The following TBC1D22A variants were observed in gnomAD, a reference collection of about 807,000 sequenced individuals.
The protein encoded by TBC1D22A is putative GTPase activator.
TBC1D22A carries 38 observed loss-of-function variants against 60.2 expected under a neutral mutation model. The ratio of observed to expected loss-of-function variants is 0.63; its 90% CI spans 0.49 to 0.83. The LOEUF (loss-of-function observed/expected upper bound fraction) is 0.83. TBC1D22A is among the 40% of genes least tolerant of loss of function. The pLI is 0.00. For missense variants in TBC1D22A, 628 were observed against 701.0 expected (o/e 0.90, Z 1.18); for synonymous variants, 302 against 281.7 (o/e 1.07, Z -0.72).
intron 12 of TBC1D22A, among the ~76,000 whole-genome samples, chr22:47,117,791 C>T (rs557822633): frequency 6.6e-6 from 1 of 152,254 alleles, no homozygotes; most frequent in South Asian, 2.1e-4. Context: ...AGTGAAGCAA[C>T]CATAGGAGGA....
At chr22:46,796,856 G>A (rs923449676) in intron 3 of TBC1D22A, among the ~76,000 whole-genome samples, 1 of 152,162 alleles carries the variant, frequency 6.6e-6, no homozygotes, top group African/African-American at 2.4e-5. Context: ...TGGGATGAGG[G>A]TCCCTGTGGG....
At chr22:47,167,062 A>G (rs1026497364) in intron 12 of TBC1D22A, among the ~76,000 whole-genome samples, 2 of 152,252 alleles carry the variant, frequency 1.3e-5, no homozygotes, top group Non-Finnish European at 2.9e-5. Context: ...ATGCATGTTT[A>G]TTTTGAAAAG....
chr22:46,932,566 C>T (rs989080775), intron 8 of TBC1D22A, among the ~76,000 whole-genome samples: 8 of 152,054 alleles, frequency 5.3e-5, no homozygotes, highest in Admixed American at 3.9e-4. Flanking sequence ...TCCCATGGCC[C>T]CCTCCCCGTG....
chr22:47,007,269 C>T (rs1413600807), intron 10 of TBC1D22A, among the ~76,000 whole-genome samples: 1 of 152,192 alleles, frequency 6.6e-6, no homozygotes, highest in African/African-American at 2.4e-5. Context: ...ACAGCTGGCT[C>T]GCTGTGCCTA....
At chr22:46,802,264 C>T (rs569038385) in intron 4 of TBC1D22A, among the ~76,000 whole-genome samples, 148 of 152,320 alleles carry the variant, frequency 9.7e-4, no homozygotes, top group Non-Finnish European at 1.7e-3. Flanking sequence ...CTGACATTCT[C>T]GTGTGAGGAG....
At chr22:47,064,034 C>T (rs7284563) in intron 11 of TBC1D22A, among the ~76,000 whole-genome samples, 2 of 44,274 alleles carry the variant, frequency 4.5e-5, no homozygotes, top group South Asian at 8.6e-4. Flanking sequence ...CCCCCTACTC[C>T]AGTGTGGCCT....
chr22:46,838,520 CA>C (rs2086614608), intron 4 of TBC1D22A, among the ~76,000 whole-genome samples: 3 of 151,716 alleles, frequency 2.0e-5, no homozygotes. Context: ...AAAGTCTTTC[CA>C]AAAATTGAAG....
chr22:46,807,064 G>A (rs1037720738), intron 4 of TBC1D22A, among the ~76,000 whole-genome samples: 1 of 152,356 alleles, frequency 6.6e-6, no homozygotes, highest in South Asian at 2.1e-4. Context: ...CTGCTCAACC[G>A]CAGATTCTAC....
At chr22:47,059,522 C>T (rs924799252) in intron 11 of TBC1D22A, among the ~76,000 whole-genome samples, 2 of 152,188 alleles carry the variant, frequency 1.3e-5, no homozygotes, top group Non-Finnish European at 2.9e-5. Context: ...TGTGTTTCCA[C>T]CCCCAATGTG....
At chr22:46,849,526 G>A (rs1161360027) in intron 4 of TBC1D22A, among the ~76,000 whole-genome samples, 1 of 152,096 alleles carries the variant, frequency 6.6e-6, no homozygotes, top group Non-Finnish European at 1.5e-5. Context: ...ACCTGTCCTG[G>A]GCTGGACAGG....
chr22:47,033,301 C>T (rs1213880523), intron 10 of TBC1D22A, among the ~76,000 whole-genome samples: 1 of 152,206 alleles, frequency 6.6e-6, no homozygotes, highest in African/African-American at 2.4e-5. Context: ...AGAAATGATT[C>T]TGTAAGTTCT....
intron 8 of TBC1D22A, 148 bp from the exon 9 acceptor site, chr22:46,974,142 A>G: frequency 1.6e-6 from 1 of 632,998 alleles, no homozygotes. Flanking sequence ...ATGAGGTGGA[A>G]GGCTGCATGA....
chr22:47,169,365 C>T (rs1309957728), intron 12 of TBC1D22A, among the ~76,000 whole-genome samples: 1 of 152,168 alleles, frequency 6.6e-6, no homozygotes, highest in Non-Finnish European at 1.5e-5. Context: ...CGCCCACCAT[C>T]CTGAGAACCA....
At chr22:46,775,058 G>A (rs1178116353) in intron 1 of TBC1D22A, among the ~76,000 whole-genome samples, 1 of 152,254 alleles carries the variant, frequency 6.6e-6, no homozygotes, top group Non-Finnish European at 1.5e-5. Context: ...GGCGAGTGAT[G>A]TTTATTGCAG....
chr22:47,050,834 CT>C (rs2063186191), intron 11 of TBC1D22A, among the ~76,000 whole-genome samples: 1 of 152,170 alleles, frequency 6.6e-6, no homozygotes, highest in South Asian at 2.1e-4. Flanking sequence ...AGCCTGTGGT[CT>C]GTCTGCCATG....
At chr22:46,829,422 T>C (rs1164024155) in intron 4 of TBC1D22A, among the ~76,000 whole-genome samples, 1 of 152,236 alleles carries the variant, frequency 6.6e-6, no homozygotes, top group African/African-American at 2.4e-5. Flanking sequence ...GTCCTGTTGT[T>C]GCTTCTCTCT....
intron 7 of TBC1D22A, among the ~76,000 whole-genome samples, chr22:46,907,734 A>G (rs997725023): frequency 6.6e-6 from 1 of 152,104 alleles, no homozygotes; most frequent in African/African-American, 2.4e-5. Flanking sequence ...GGTGGAGGAA[A>G]CCCTTCCCAG....
chr22:47,128,810 G>T (rs1211726219), intron 12 of TBC1D22A, among the ~76,000 whole-genome samples: 1 of 152,180 alleles, frequency 6.6e-6, no homozygotes, highest in African/African-American at 2.4e-5. Context: ...AACTGGCTGT[G>T]TACTGCGTCC....
intron 4 of TBC1D22A, among the ~76,000 whole-genome samples, chr22:46,811,485 A>G (rs1188823807): frequency 3.9e-5 from 6 of 152,170 alleles, no homozygotes; most frequent in Admixed American, 3.9e-4. Flanking sequence ...AGCCTCTCTT[A>G]GGGAGGGACT....
Sources: gnomAD v4.1 joint callset for allele counts (sites outside exome capture counted in the v4.1 genomes callset) on GRCh38, gnomAD v4.1.1 for gene constraint, MANE v1.5 for transcripts, NCBI Gene and HGNC (gene_info 2026-07-23, HGNC 2026-07-21) for gene names.